SGCZ: variants seen among roughly 807,000 people sequenced by gnomAD.
SGCZ encodes the protein sarcoglycan zeta.
A neutral mutation model predicts 41.3 loss-of-function variants in SGCZ; 40 were observed. That is an observed-to-expected ratio of 0.97 (90% CI 0.75 to 1.26). SGCZ has a LOEUF of 1.26. SGCZ is among the 50% of genes most tolerant of loss of function. The pLI is 0.00. For missense variants in SGCZ, 552 were observed against 369.8 expected (o/e 1.49, Z -4.04); for synonymous variants, 206 against 137.5 (o/e 1.50, Z -3.49).
At chr8:14,530,633 T>C (rs979943879) in intron 2 of SGCZ, among the ~76,000 whole-genome samples, 3 of 151,974 alleles carry the variant, frequency 2.0e-5, no homozygotes, top group Admixed American at 1.3e-4. Context: ...GTAAAATGAA[T>C]CATCAAAAAC....
intron 1 of SGCZ, among the ~76,000 whole-genome samples, chr8:14,886,043 A>G (rs1244193612): frequency 1.5e-5 from 2 of 129,508 alleles, no homozygotes; most frequent in African/African-American, 5.7e-5. Context: ...ATAAAATTGT[A>G]TACTTAGCTT....
chr8:14,222,577 A>C (rs1479164118), intron 4 of SGCZ, among the ~76,000 whole-genome samples: 4 of 152,078 alleles, frequency 2.6e-5, no homozygotes, highest in African/African-American at 4.8e-5. Context: ...TGTATTCTGG[A>C]GGATATTCTC....
At chr8:15,109,453 A>C (rs566984867) in intron 1 of SGCZ, among the ~76,000 whole-genome samples, 1 of 152,322 alleles carries the variant, frequency 6.6e-6, no homozygotes, top group South Asian at 2.1e-4. Context: ...AAATGATCAC[A>C]GAATCATAAG....
intron 1 of SGCZ, among the ~76,000 whole-genome samples, chr8:14,645,695 A>T (rs1807191068): frequency 6.8e-6 from 1 of 147,522 alleles, no homozygotes; most frequent in Non-Finnish European, 1.5e-5. Context: ...ATGACCTTAT[A>T]GTCCATTTAC....
At chr8:14,541,166 G>A (rs1803455092) in intron 2 of SGCZ, among the ~76,000 whole-genome samples, 2 of 151,880 alleles carry the variant, frequency 1.3e-5, no homozygotes, top group African/African-American at 4.8e-5. Context: ...TAAGTTCCGG[G>A]ATACAGGTAC....
intron 5 of SGCZ, among the ~76,000 whole-genome samples, chr8:14,156,854 C>T (rs1182758622): frequency 6.6e-6 from 1 of 152,160 alleles, no homozygotes; most frequent in Admixed American, 6.5e-5. Context: ...ACAGATGAAG[C>T]TGTCATCCCC....
Position 14,086,141 on chromosome 8 carries a change from C to G in SGCZ, c.*4302G>C, listed in dbSNP as rs1801516631. On this transcript the variant is annotated 3_prime_UTR_variant, in exon 8 of 8. Coordinates refer to ENST00000382080, the MANE Select transcript of SGCZ (RefSeq NM_139167.4). ...TCATTAAATATGATCACATGAACAA[C>G]TCTTATTAGACCACAGCTATTTGAA... Among the ~76,000 whole-genome samples, 1 of 151,638 alleles carries G rather than the reference C, an allele frequency of 6.6e-6. No homozygotes were observed. Among genetic ancestry groups the G allele is most frequent in the African/African-American group, 2.4e-5 (1 of 41,392 alleles).
intron 1 of SGCZ, among the ~76,000 whole-genome samples, chr8:15,075,216 G>A (rs1163923083): frequency 1.2e-5 from 1 of 80,754 alleles, no homozygotes; most frequent in Non-Finnish European, 2.5e-5. Flanking sequence ...AGTTTATGTA[G>A]TAGTCAGACA....
intron 4 of SGCZ, among the ~76,000 whole-genome samples, chr8:14,198,483 T>C (rs10113003): frequency 0.71 from 107,777 of 151,912 alleles, 39,041 homozygotes; most frequent in African/African-American, 0.84. Context: ...AAACTACCTA[T>C]TGAATAGTAT....
chr8:14,583,796 A>G (rs1403423255), intron 1 of SGCZ, among the ~76,000 whole-genome samples: 2 of 151,176 alleles, frequency 1.3e-5, no homozygotes, highest in Non-Finnish European at 2.9e-5. Flanking sequence ...ATGATATTCA[A>G]TTTTATTCAA....
chr8:14,701,811 C>T (rs539306393), intron 1 of SGCZ, among the ~76,000 whole-genome samples: 8 of 152,028 alleles, frequency 5.3e-5, no homozygotes, highest in Admixed American at 4.6e-4. Context: ...TATTGACCCA[C>T]CCAAGCAAGA....
At chr8:14,135,929 A>G (rs1803183455) in intron 5 of SGCZ, among the ~76,000 whole-genome samples, 2 of 152,216 alleles carry the variant, frequency 1.3e-5, no homozygotes, top group Admixed American at 6.5e-5. Context: ...CCAATTTTAC[A>G]TATCTTACAA....
At chr8:14,356,608 A>G (rs1803301603) in intron 2 of SGCZ, among the ~76,000 whole-genome samples, 1 of 152,074 alleles carries the variant, frequency 6.6e-6, no homozygotes, top group African/African-American at 2.4e-5. Context: ...TTAGCCCAAT[A>G]TAATAGAAAT....
intron 1 of SGCZ, among the ~76,000 whole-genome samples, chr8:14,966,315 AAAAT>A (rs760709998): frequency 1.1e-4 from 17 of 151,964 alleles, no homozygotes; most frequent in Non-Finnish European, 2.2e-4. Flanking sequence ...TATCAGGTTA[AAAAT>A]AAATAATCTA....
chr8:14,302,734 T>C (rs368343519), intron 3 of SGCZ, among the ~76,000 whole-genome samples: 3 of 152,166 alleles, frequency 2.0e-5, no homozygotes, highest in African/African-American at 7.2e-5. Flanking sequence ...CTATATTTTA[T>C]AAGGAAGTAC....
At chr8:14,547,574 T>C (rs1411853096) in intron 2 of SGCZ, among the ~76,000 whole-genome samples, 1 of 152,204 alleles carries the variant, frequency 6.6e-6, no homozygotes, top group Non-Finnish European at 1.5e-5. Flanking sequence ...TAATGTTTGT[T>C]CTTGTACTTT....
intron 1 of SGCZ, among the ~76,000 whole-genome samples, chr8:15,221,997 C>T (rs1464879239): frequency 2.6e-5 from 4 of 152,160 alleles, no homozygotes; most frequent in East Asian, 1.9e-4. Context: ...TTTCAAAATG[C>T]ATAGAATTAC....
intron 2 of SGCZ, among the ~76,000 whole-genome samples, chr8:14,490,816 C>T (rs1318795346): frequency 9.9e-4 from 2 of 2,022 alleles, no homozygotes; most frequent in Admixed American, 8.9e-3. Context: ...GAGAATTGAT[C>T]ATTTCAAAAA....
rs1178483704 is a variant in SGCZ at position 15,066,190 on chromosome 8, C to T, written c.39+171395G>A. Among the ~76,000 whole-genome samples the T allele has an allele frequency of 5.9e-5, 9 of 151,926 alleles. No individual in the cohort carries two copies. In the East Asian group the frequency reaches 1.6e-3, roughly 26 times the overall value. On this transcript the variant is annotated intron_variant, in intron 1 of 7. Coordinates refer to ENST00000382080, the MANE Select transcript of SGCZ (RefSeq NM_139167.4). ...GGGCGCGGTGGCGGGCGCCTGTAGT[C>T]CCAGCTACTGGGGAGGCTGAGGCAG...
Sources: gnomAD v4.1 joint callset for allele counts (sites outside exome capture counted in the v4.1 genomes callset) on GRCh38, gnomAD v4.1.1 for gene constraint, MANE v1.5 for transcripts, NCBI Gene and HGNC (gene_info 2026-07-23, HGNC 2026-07-21) for gene names.